MTFR1: variants seen among roughly 807,000 people sequenced by gnomAD.
The protein encoded by MTFR1 is chondrocyte protein with a poly-proline region.
In MTFR1, 28 loss-of-function variants were observed where a neutral mutation model predicts 38.8. The ratio of observed to expected loss-of-function variants is 0.72; its 90% CI spans 0.53 to 0.99. The LOEUF (loss-of-function observed/expected upper bound fraction) is 0.99. Among genes scored for constraint, MTFR1 ranks in the 50% least tolerant of loss-of-function variants. The pLI, the probability that MTFR1 is intolerant of heterozygous loss-of-function variation, is 0.00. For missense variants in MTFR1, 358 were observed against 395.5 expected (o/e 0.91, Z 0.81); for synonymous variants, 145 against 137.0 (o/e 1.06, Z -0.41).
chr8:65,754,578 C>T lies in MTFR1; in HGVS notation c.*49-16369C>T, dbSNP rs558447997. Among the ~76,000 whole-genome samples, 4 of 150,904 alleles carry T rather than the reference C, an allele frequency of 2.7e-5. No homozygotes were observed. The East Asian group carries it at 6.0e-4, about 23-fold the overall frequency. ...GTCTCGAACTCCTGACCTTGTGATC[C>T]GCCCGCCTCGGCCTCCCAAAGTGCT... On this transcript the variant is annotated intron_variant, in intron 3 of 3. Coordinates refer to the MTFR1 transcript ENST00000521247.
chr8:65,650,307 G>GTA (rs2129047096), intron 1 of MTFR1, among the ~76,000 whole-genome samples: 1 of 150,432 alleles, frequency 6.6e-6, no homozygotes, highest in South Asian at 2.1e-4. Flanking sequence ...GAGTAGCTGG[G>GTA]ATTACAGGCG....
rs1554544311 is a variant in MTFR1, at chr8:65,645,705, C to CG, written c.-81+921_-81+922insG. 2.5e-4 allele frequency among the ~76,000 whole-genome samples: 29 copies of CG among 114,394 alleles called. 1 individual carries two copies. The highest frequency in any genetic ancestry group is 1.0e-3 in the South Asian group (2 of 1,928). 75.0% of individuals were successfully genotyped at this position (114,394 alleles called of 152,430 possible). A position where few individuals can be genotyped will look rare whatever the true frequency, so the allele number is the denominator to read the frequency against. ...CACGCCCGGCTTTCCCCCCCCCCCC[C>CG]CTTTGTAGAGATGGGGTCTCCTTAT... is the stretch of plus-strand genomic sequence containing the variant. On this transcript the variant is annotated intron_variant, in intron 1 of 7. Coordinates refer to ENST00000262146, the MANE Select transcript of MTFR1 (RefSeq NM_014637.4).
At chr8:65,714,400 C>T (rs570305900), downstream of MTFR1, 68 of 152,124 alleles carry the variant, frequency 4.5e-4, no homozygotes, top group African/African-American at 1.4e-3. Flanking sequence ...GCACAGGAAC[C>T]AGGAAGATGG....
chr8:65,732,333 CTATT>C (rs1158387017), intron 3 of MTFR1, among the ~76,000 whole-genome samples: 1 of 151,996 alleles, frequency 6.6e-6, no homozygotes, highest in Non-Finnish European at 1.5e-5. Flanking sequence ...TTCTATTTAT[CTATT>C]TGTTTAATGA....
rs759722624 is a variant in MTFR1, at chr8:65,707,887, C to T, written c.809C>T (p.Pro270Leu). 1.2e-6 allele frequency: 2 copies of T among 1,614,186 alleles called. No individual in the cohort carries two copies. The highest frequency in any genetic ancestry group is 1.7e-5 in the Admixed American group (1 of 60,030). The change falls in exon 7 of 8, where the codon CCT (proline) becomes CTT (leucine). Residue 270 changes from proline to leucine, a missense_variant. Pro to Leu is a moderately conservative substitution (Grantham distance 98). Transcript: ENST00000262146. Reference protein sequence around the residue: ...VKPKPVDATDPAALIAEALKK... With the variant: ...VKPKPVDATDLAALIAEALKK... ...CCCAAGCCAGTGGATGCTACTGACC[C>T]TGCTGCCCTCATAGCAGAGGCTCTG... is the stretch of plus-strand genomic sequence containing the variant.
intron 2 of MTFR1, among the ~76,000 whole-genome samples, chr8:65,716,197 C>T (rs1414425609): frequency 6.7e-6 from 1 of 149,696 alleles, no homozygotes; most frequent in African/African-American, 2.5e-5. Context: ...CCCACATATA[C>T]ATAATAAAAC....
chr8:65,644,603 C>A (rs901482371), upstream of MTFR1: 2 of 152,256 alleles, frequency 1.3e-5, no homozygotes, highest in Non-Finnish European at 2.9e-5. Context: ...AGCCGGCTTG[C>A]GGAGCGGTTG....
chr8:65,755,108 C>A (rs1394906262), intron 3 of MTFR1, among the ~76,000 whole-genome samples: 1 of 148,892 alleles, frequency 6.7e-6, no homozygotes, highest in Admixed American at 6.7e-5. Context: ...GTAACGTCTG[C>A]CTCCCAGGTT....
rs945262829 is a variant in MTFR1 at position 65,649,207 on chromosome 8, T to G, written c.-81+4423T>G. ...ATTTCTTTTTTTTTTTGAGATGGAG[T>G]TTTGCTCTTGTTTCCCAGGCTGGAG... is the stretch of plus-strand genomic sequence containing the variant. On this transcript the variant is annotated intron_variant, in intron 1 of 7. Transcript: ENST00000262146. 3.3e-5 allele frequency among the ~76,000 whole-genome samples: 5 copies of G among 151,640 alleles called. No homozygotes were observed. The South Asian group carries it at 6.2e-4, about 19-fold the overall frequency.
At position 65,762,443 on chromosome 8, in the gene MTFR1, G is replaced by C. The variant is rs114080079; in HGVS notation, c.*49-8504G>C. 3.4e-3 allele frequency among the ~76,000 whole-genome samples: 511 copies of C among 152,274 alleles called. 3 individuals carry two copies. Among genetic ancestry groups the C allele is most frequent in the African/African-American group, 0.011 (473 of 41,568 alleles). On this transcript the variant is annotated intron_variant, in intron 3 of 3. Transcript: ENST00000521247. ...TGACATGGAGAGGCAGAGCAGCAAAGTACATGAGAACACAGGGGCTTAGGA... is the reference window on the plus strand; with the variant it reads ...TGACATGGAGAGGCAGAGCAGCAAACTACATGAGAACACAGGGGCTTAGGA...
At chr8:65,671,953 C>T (rs1219796475) in intron 2 of MTFR1, among the ~76,000 whole-genome samples, 2 of 152,170 alleles carry the variant, frequency 1.3e-5, no homozygotes, top group Non-Finnish European at 2.9e-5. Flanking sequence ...TGTTACCAGC[C>T]TCCCACCCCA....
downstream of MTFR1, among the ~76,000 whole-genome samples, chr8:65,711,719 A>C (rs1476837749): frequency 1.3e-5 from 2 of 152,226 alleles, no homozygotes; most frequent in African/African-American, 4.8e-5. Context: ...TAAAAATAGC[A>C]TAACCAAGTA....
At chr8:65,766,902 T>C (rs956752857) in intron 3 of MTFR1, among the ~76,000 whole-genome samples, 1 of 152,138 alleles carries the variant, frequency 6.6e-6, no homozygotes, top group African/African-American at 2.4e-5. Context: ...CTTTTTAAAA[T>C]GGGATGAGAG....
intron 2 of MTFR1, among the ~76,000 whole-genome samples, chr8:65,671,526 C>T (rs1181862496): frequency 3.7e-5 from 5 of 136,766 alleles, no homozygotes; most frequent in African/African-American, 1.3e-4. Flanking sequence ...TAGAATAGAG[C>T]AAGACCCTAT....
chr8:65,777,159 A>G, the MTFR1 span, among the ~76,000 whole-genome samples: 1 of 147,514 alleles, frequency 6.8e-6, no homozygotes, highest in Non-Finnish European at 1.5e-5. Context: ...GGCTAACCGC[A>G]ACCTCTGCCT....
chr8:65,726,330 A>AT (rs3834875), intron 3 of MTFR1, among the ~76,000 whole-genome samples: 16,629 of 149,710 alleles, frequency 0.11, 1,122 homozygotes, highest in Middle Eastern at 0.17. Context: ...TAGCCCATTT[A>AT]TTTTTTTTTC....
At chr8:65,681,592 A>G (rs79235768) in intron 2 of MTFR1, among the ~76,000 whole-genome samples, 6,306 of 151,918 alleles carry the variant, frequency 0.042, 194 homozygotes, top group Non-Finnish European at 0.062. Flanking sequence ...AAGAGGGGTC[A>G]TATACTTGGG....
intron 1 of MTFR1, among the ~76,000 whole-genome samples, chr8:65,666,833 T>A (rs1393511294): frequency 2.0e-5 from 3 of 152,152 alleles, no homozygotes; most frequent in African/African-American, 7.2e-5. Flanking sequence ...ATTTCACTAA[T>A]TCAAATATAT....
At chr8:65,702,414 C>T (rs547600221) in intron 4 of MTFR1, among the ~76,000 whole-genome samples, 49 of 151,524 alleles carry the variant, frequency 3.2e-4, no homozygotes, top group African/African-American at 1.1e-3. Flanking sequence ...ATTCTCTTGC[C>T]TCAGCCTCCC....
Sources: allele counts gnomAD v4.1 joint callset (sites outside exome capture counted in the v4.1 genomes callset), GRCh38; gene constraint gnomAD v4.1.1; transcripts MANE v1.5; gene names NCBI Gene and HGNC (gene_info 2026-07-23, HGNC 2026-07-21).